The following AMMECR1 variants were observed in gnomAD, a reference collection of about 807,000 sequenced individuals.
The protein encoded by AMMECR1 is AMMECR nuclear protein 1.
A neutral mutation model predicts 22.5 loss-of-function variants in AMMECR1; 3 were observed. The ratio of observed to expected loss-of-function variants is 0.13; its 90% CI spans 0.06 to 0.35. The LOEUF (loss-of-function observed/expected upper bound fraction) is 0.35, where lower values mean the gene tolerates loss of function less well. AMMECR1 is among the 10% of genes least tolerant of loss of function. The pLI is 1.00. For synonymous variants in AMMECR1, 130 were observed against 116.7 expected (o/e 1.11, Z -0.74); for missense variants, 235 against 278.7 (o/e 0.84, Z 1.12).
intron 2 of AMMECR1, among the ~76,000 whole-genome samples, chrX:110,343,902 A>G (rs928582232): frequency 2.7e-5 from 3 of 111,833 alleles, no homozygotes; most frequent in African/African-American, 9.8e-5. Flanking sequence ...CAATATCATG[A>G]AAATGGCCAT....
chrX:110,378,423 C>A (rs1478084279), intron 2 of AMMECR1, among the ~76,000 whole-genome samples: 2 of 111,572 alleles, frequency 1.8e-5, no homozygotes, highest in Admixed American at 9.5e-5. Flanking sequence ...CTAAACATAG[C>A]TACCAGTCAT....
chrX:110,339,401 TAAAA>T (rs10664998), intron 2 of AMMECR1, among the ~76,000 whole-genome samples: 20 of 48,955 alleles, frequency 4.1e-4, no homozygotes, highest in Admixed American at 1.2e-3. Flanking sequence ...TGGTTTGTTG[TAAAA>T]AAAAAAAAAA....
At chrX:110,376,683 G>C (rs1046009358) in intron 2 of AMMECR1, among the ~76,000 whole-genome samples, 2 of 112,139 alleles carry the variant, frequency 1.8e-5, no homozygotes, top group Non-Finnish European at 3.8e-5. Context: ...GACAGATGTG[G>C]GTTCAAATCC....
intron 1 of AMMECR1, among the ~76,000 whole-genome samples, chrX:110,295,822 G>A (rs2067932789): frequency 9.0e-6 from 1 of 111,245 alleles, no homozygotes; most frequent in Non-Finnish European, 1.9e-5. Context: ...TTCCCCTATA[G>A]CTCTATTCCC....
At chrX:110,313,783 C>T (rs2148225166) in intron 1 of AMMECR1, among the ~76,000 whole-genome samples, 1 of 111,763 alleles carries the variant, frequency 8.9e-6, no homozygotes, top group Admixed American at 9.5e-5. Flanking sequence ...GACTCTTATA[C>T]TCTCGGCAGC....
At chrX:110,243,623 C>G (rs2067644157) in intron 2 of AMMECR1, among the ~76,000 whole-genome samples, 1 of 111,671 alleles carries the variant, frequency 9.0e-6, no homozygotes, top group Non-Finnish European at 1.9e-5. Context: ...TATTTAAATT[C>G]CATAACAACC....
intron 2 of AMMECR1, among the ~76,000 whole-genome samples, chrX:110,398,899 A>G (rs1212608575): frequency 8.9e-6 from 1 of 112,298 alleles, no homozygotes; most frequent in Non-Finnish European, 1.9e-5. Context: ...GCTGTTTGGA[A>G]TTCCGTGCTG....
intron 2 of AMMECR1, among the ~76,000 whole-genome samples, chrX:110,367,378 A>C (rs2068304190): frequency 8.9e-6 from 1 of 111,780 alleles, no homozygotes; most frequent in African/African-American, 3.2e-5. Flanking sequence ...CACTCCACCA[A>C]AATGATTCAT....
intron 2 of AMMECR1, among the ~76,000 whole-genome samples, chrX:110,241,668 G>C (rs779768287): frequency 4.6e-5 from 5 of 108,937 alleles, no homozygotes; most frequent in Non-Finnish European, 9.5e-5. Flanking sequence ...CGGGGGGTGG[G>C]GGCCTAGGGG....
intron 3 of AMMECR1, among the ~76,000 whole-genome samples, chrX:110,214,030 G>A (rs1248238979): frequency 2.7e-5 from 3 of 110,732 alleles, no homozygotes; most frequent in African/African-American, 9.8e-5. Context: ...TTGGGAGGCC[G>A]AGGTGGGTGG....
chrX:110,324,989 A>G (rs1484772605), intron 2 of AMMECR1, among the ~76,000 whole-genome samples: 1 of 111,029 alleles, frequency 9.0e-6, no homozygotes, highest in Non-Finnish European at 1.9e-5. Context: ...TAGTTTTGGC[A>G]TCAGGAAAAT....
chrX:110,347,542 A>G (rs1011357236), intron 2 of AMMECR1, among the ~76,000 whole-genome samples: 2 of 112,821 alleles, frequency 1.8e-5, no homozygotes, highest in African/African-American at 6.4e-5. Context: ...TTTTCTGTCA[A>G]TAAGGAAAGC....
At chrX:110,241,982 T>C (rs1307658702) in intron 2 of AMMECR1, among the ~76,000 whole-genome samples, 1 of 111,649 alleles carries the variant, frequency 9.0e-6, no homozygotes, top group Non-Finnish European at 1.9e-5. Flanking sequence ...CTCACTTCAC[T>C]AGCACAGGGC....
At chrX:110,209,461 G>T (rs1377446095) in intron 3 of AMMECR1, among the ~76,000 whole-genome samples, 1 of 112,134 alleles carries the variant, frequency 8.9e-6, no homozygotes. Context: ...GTAATTAAAT[G>T]GAGACATTAA....
At chrX:110,437,749 G>GT (rs2068849723) in intron 1 of AMMECR1, among the ~76,000 whole-genome samples, 1 of 111,446 alleles carries the variant, frequency 9.0e-6, no homozygotes, top group African/African-American at 3.3e-5. Flanking sequence ...TCTTAGTGTG[G>GT]TCCCCTCCTT....
intron 2 of AMMECR1, among the ~76,000 whole-genome samples, chrX:110,323,179 A>C (rs766626273): frequency 1.1e-3 from 120 of 112,166 alleles, no homozygotes; most frequent in Middle Eastern, 4.6e-3. Context: ...GAAATTTCCC[A>C]TGCTACACTC....
intron 1 of AMMECR1, among the ~76,000 whole-genome samples, chrX:110,305,080 T>G (rs985915021): frequency 3.6e-5 from 4 of 112,586 alleles, no homozygotes; most frequent in Non-Finnish European, 7.5e-5. Flanking sequence ...GTTTCATGAA[T>G]CTTGTCTTTT....
intron 1 of AMMECR1, among the ~76,000 whole-genome samples, chrX:110,317,316 A>G (rs925790273): frequency 1.8e-5 from 2 of 111,329 alleles, no homozygotes; most frequent in African/African-American, 6.6e-5. Flanking sequence ...TGAAGGAGAC[A>G]AGTAAAGGAG....
At chrX:110,324,772 A>G (rs2068091841) in intron 2 of AMMECR1, among the ~76,000 whole-genome samples, 1 of 110,394 alleles carries the variant, frequency 9.1e-6, no homozygotes, top group Non-Finnish European at 1.9e-5. Flanking sequence ...TTACTTTAAT[A>G]TACCATAAAA....
Sources: allele counts gnomAD v4.1 joint callset (sites outside exome capture counted in the v4.1 genomes callset), GRCh38; gene constraint gnomAD v4.1.1; transcripts MANE v1.5; gene names NCBI Gene and HGNC (gene_info 2026-07-23, HGNC 2026-07-21).